CNTN4: variants seen among roughly 807,000 people sequenced by gnomAD.
The protein encoded by CNTN4 is contactin-4.
In CNTN4, 77 loss-of-function variants were observed where a neutral mutation model predicts 122.5. The observed-to-expected ratio is 0.63, with a 90% CI of 0.52 to 0.76. The LOEUF (loss-of-function observed/expected upper bound fraction) is 0.76. Among genes scored for constraint, CNTN4 ranks in the 30% least tolerant of loss-of-function variants. CNTN4 has a pLI of 0.00. For missense variants in CNTN4, 1,256 were observed against 1,259.1 expected (o/e 1.00, Z 0.04); for synonymous variants, 512 against 447.0 (o/e 1.15, Z -1.83).
At chr3:2,782,471 G>C (rs200932457) in intron 6 of CNTN4, among the ~76,000 whole-genome samples, 2 of 56,196 alleles carry the variant, frequency 3.6e-5, no homozygotes, top group South Asian at 7.8e-4. Flanking sequence ...TATTCTGTGT[G>C]TGTGTGTGTG....
intron 14 of CNTN4, among the ~76,000 whole-genome samples, chr3:2,998,728 G>A (rs1695764673): frequency 6.6e-6 from 1 of 152,106 alleles, no homozygotes; most frequent in Admixed American, 6.6e-5. Flanking sequence ...AGCATATTCA[G>A]GGAAAATACA....
chr3:2,806,161 A>G (rs903767090), intron 6 of CNTN4, among the ~76,000 whole-genome samples: 5 of 152,150 alleles, frequency 3.3e-5, no homozygotes, highest in African/African-American at 1.2e-4. Flanking sequence ...TCGGCCTCCC[A>G]AAGTGCTGGG....
chr3:2,662,912 G>A lies in CNTN4; in HGVS notation c.56-73303G>A, dbSNP rs1226744619. 3.9e-5 allele frequency among the ~76,000 whole-genome samples: 6 copies of A among 152,070 alleles called. No homozygotes were observed. The East Asian group carries it at 1.2e-3, about 29-fold the overall frequency. On this transcript the variant is annotated intron_variant, in intron 4 of 24. Coordinates refer to ENST00000418658, the MANE Select transcript of CNTN4 (RefSeq NM_175607.3). ...GTTCGAGACCAGCCTGGCCAACATG[G>A]TGAAGCCCCATCTTCACATTTGTAT...
intron 12 of CNTN4, among the ~76,000 whole-genome samples, chr3:2,922,608 ATTTTTTT>A (rs547782541): frequency 5.5e-5 from 6 of 110,002 alleles, no homozygotes; most frequent in South Asian, 3.2e-4. Flanking sequence ...AAAGAACTTG[ATTTTTTT>A]TTTTTTTTTT....
chr3:2,866,921 A>G lies in CNTN4; in HGVS notation c.624A>G (p.Pro208=), dbSNP rs755077756. The change falls in exon 8 of 25, where the codon CCA becomes CCG. Residue 208 remains proline, a synonymous_variant. Transcript: ENST00000418658. ...NTVTNHKVLG[P]PTPLILRNDG... ...TGACAAACCACAAGGTCCTGGGGCC[A>G]CCTACACCACTAATATTGAGAAATG... 4.3e-6 allele frequency: 7 copies of G among 1,613,994 alleles called. No homozygotes were observed. The highest frequency in any genetic ancestry group is 5.9e-6 in the Non-Finnish European group (7 of 1,179,896).
In CNTN4 at chr3:2,120,216, C is replaced by G. The variant is rs546127814; in HGVS notation, c.-145+19577C>G. Among the ~76,000 whole-genome samples, 463 of 151,068 alleles carry G rather than the reference C, an allele frequency of 3.1e-3. 2 individuals carry two copies. The highest frequency in any genetic ancestry group is 0.011 in the African/African-American group (446 of 40,978). ...ATAGAATCATATAGGAGAAATAACACTGGGAAAATGAGGATAGTTTAGCTG... is the reference window on the plus strand; with the variant it reads ...ATAGAATCATATAGGAGAAATAACAGTGGGAAAATGAGGATAGTTTAGCTG... On this transcript the variant is annotated intron_variant, in intron 2 of 24. Transcript: ENST00000418658.
At chr3:2,557,927 C>T (rs2078788194) in intron 3 of CNTN4, among the ~76,000 whole-genome samples, 1 of 152,096 alleles carries the variant, frequency 6.6e-6, no homozygotes, top group Non-Finnish European at 1.5e-5. Context: ...AGCTGGTCTT[C>T]TGTAGGCAAA....
At chr3:2,456,921 G>A (rs566719078) in intron 3 of CNTN4, among the ~76,000 whole-genome samples, 2 of 152,170 alleles carry the variant, frequency 1.3e-5, no homozygotes, top group Admixed American at 6.6e-5. Context: ...TCAATGAACT[G>A]AGTGCTTTGT....
intron 2 of CNTN4, among the ~76,000 whole-genome samples, chr3:2,167,610 T>A (rs899782263): frequency 1.3e-5 from 2 of 152,206 alleles, no homozygotes; most frequent in African/African-American, 4.8e-5. Context: ...ACAAATGATG[T>A]AATATTTTCC....
At chr3:2,121,242 G>GT (rs1440589504) in intron 2 of CNTN4, among the ~76,000 whole-genome samples, 1 of 152,098 alleles carries the variant, frequency 6.6e-6, no homozygotes, top group East Asian at 1.9e-4. Flanking sequence ...TATATGCCGT[G>GT]TAATCCCAGC....
In CNTN4 at chr3:2,709,747, C is replaced by T; in HGVS notation, c.56-26468C>T. 6.6e-6 allele frequency among the ~76,000 whole-genome samples: 1 copy of T among 151,976 alleles called. No homozygotes were observed. Among genetic ancestry groups the T allele is most frequent in the Non-Finnish European group, 1.5e-5 (1 of 67,996 alleles). ...TGGCCAACATGGTGAAACCCTCTCTCTACTAAAAATACAAAAATTAGCCAG... is the reference window on the plus strand; with the variant it reads ...TGGCCAACATGGTGAAACCCTCTCTTTACTAAAAATACAAAAATTAGCCAG... On this transcript the variant is annotated intron_variant, in intron 4 of 24. Coordinates refer to ENST00000418658, the MANE Select transcript of CNTN4 (RefSeq NM_175607.3). This position sits in a 1 kb window ranked among gnomAD's most constrained non-coding sequence, Gnocchi z 5.0.
Position 2,980,940 on chromosome 3 carries a change from T to C in CNTN4, c.1359-7405T>C, listed in dbSNP as rs373503593. On this transcript the variant is annotated intron_variant, in intron 13 of 24. Coordinates refer to ENST00000418658, the MANE Select transcript of CNTN4 (RefSeq NM_175607.3). ...GCCTGGCCAGCACCACCCTGTTGTCTGCTTCTTGCTGTACACGTGGCTGGC... is the reference window on the plus strand; with the variant it reads ...GCCTGGCCAGCACCACCCTGTTGTCCGCTTCTTGCTGTACACGTGGCTGGC... Among the ~76,000 whole-genome samples, 76 of 152,264 alleles carry C rather than the reference T, an allele frequency of 5.0e-4. 1 individual carries two copies. In the East Asian group the frequency reaches 0.011, roughly 21 times the overall value.
chr3:2,917,515 A>G (rs190719311), intron 12 of CNTN4, among the ~76,000 whole-genome samples: 1 of 149,902 alleles, frequency 6.7e-6, no homozygotes, highest in Non-Finnish European at 1.5e-5. Context: ...ATTTCTAACA[A>G]ACTTCAAGGT....
At chr3:2,259,173 A>G (rs1413244942) in intron 2 of CNTN4, among the ~76,000 whole-genome samples, 1 of 151,854 alleles carries the variant, frequency 6.6e-6, no homozygotes, top group Non-Finnish European at 1.5e-5. Context: ...CTGGCTATGC[A>G]CTTGCTTTTG....
At chr3:2,227,014 C>T (rs2039309526) in intron 2 of CNTN4, among the ~76,000 whole-genome samples, 3 of 152,124 alleles carry the variant, frequency 2.0e-5, no homozygotes, top group South Asian at 2.1e-4. Context: ...ACTGAGCTCA[C>T]AAAAGCCAGT....
chr3:2,767,733 C>T (rs865869938), intron 6 of CNTN4, among the ~76,000 whole-genome samples: 59 of 152,256 alleles, frequency 3.9e-4, no homozygotes, highest in African/African-American at 1.3e-3. Context: ...ATGATCACGT[C>T]TTACGATAAT....
intron 2 of CNTN4, chr3:2,262,207 C>A (rs2040860153): frequency 6.6e-6 from 1 of 152,170 alleles, no homozygotes; most frequent in Non-Finnish European, 1.5e-5. Context: ...CTTCCATTTT[C>A]TGCTCTGTAT....
chr3:2,362,450 C>A (rs1376533783), intron 3 of CNTN4: 3 of 418,984 alleles, frequency 7.2e-6, no homozygotes, highest in East Asian at 1.4e-4. Context: ...CGCCTCCCAG[C>A]CTACATCCTA....
At chr3:3,017,915 T>C (rs1559794141) in intron 14 of CNTN4, among the ~76,000 whole-genome samples, 1 of 152,184 alleles carries the variant, frequency 6.6e-6, no homozygotes, top group Non-Finnish European at 1.5e-5. Flanking sequence ...TAGCTAAGTA[T>C]ATGTAGATTT....
Sources: gnomAD v4.1 joint callset for allele counts (sites outside exome capture counted in the v4.1 genomes callset) on GRCh38, gnomAD v4.1.1 for gene constraint, Gnocchi (gnomAD v3.1) non-coding constraint, MANE v1.5 for transcripts, NCBI Gene and HGNC (gene_info 2026-07-23, HGNC 2026-07-21) for gene names.